LUZP2: variants seen among roughly 807,000 people sequenced by gnomAD.
LUZP2 encodes the protein leucine zipper protein 2.
Under a neutral mutation model 51.6 loss-of-function variants are expected in LUZP2, and 52 were observed. The observed-to-expected ratio is 1.01, with a 90% confidence interval of 0.81 to 1.27. LUZP2 has a LOEUF of 1.27. Among genes scored for constraint, LUZP2 ranks in the 50% most tolerant of loss-of-function variants. The pLI is 0.00. For synonymous variants in LUZP2, 154 were observed against 137.3 expected (o/e 1.12, Z -0.85); for missense variants, 436 against 395.4 (o/e 1.10, Z -0.87).
At chr11:24,515,108 G>A (rs115161340) in intron 1 of LUZP2, among the ~76,000 whole-genome samples, 213 of 152,266 alleles carry the variant, frequency 1.4e-3, no homozygotes, top group African/African-American at 4.8e-3. Context: ...GTTTAGAACC[G>A]GAAAGTTCAT....
intron 5 of LUZP2, chr11:24,892,026 GA>G (rs1852870887): frequency 1.0e-6 from 1 of 985,488 alleles, no homozygotes; most frequent in African/African-American, 1.7e-5. Flanking sequence ...TCTTGGAAAG[GA>G]GTATGTATTC....
At chr11:24,786,376 A>G (rs985852859) in intron 5 of LUZP2, 1 of 982,396 alleles carries the variant, frequency 1.0e-6, no homozygotes, top group Non-Finnish European at 1.2e-6. Context: ...TGACCCTTCT[A>G]TATAAATAAT....
chr11:24,927,805 T>C (rs927162118), intron 7 of LUZP2, among the ~76,000 whole-genome samples: 2 of 152,036 alleles, frequency 1.3e-5, no homozygotes, highest in Non-Finnish European at 2.9e-5. Context: ...GAAATTACAC[T>C]GAATTTGTAA....
At chr11:25,070,705 T>G (rs565936986) in intron 10 of LUZP2, among the ~76,000 whole-genome samples, 1 of 151,906 alleles carries the variant, frequency 6.6e-6, no homozygotes, top group Non-Finnish European at 1.5e-5. Context: ...AAAGATCATA[T>G]GTTTCAGATA....
At chr11:24,839,324 T>C (rs1358056759) in intron 5 of LUZP2, among the ~76,000 whole-genome samples, 1 of 151,750 alleles carries the variant, frequency 6.6e-6, no homozygotes, top group Non-Finnish European at 1.5e-5. Flanking sequence ...GTACTAGTTT[T>C]AGAAATAGGT....
intron 1 of LUZP2, among the ~76,000 whole-genome samples, chr11:24,567,333 G>T (rs1392970935): frequency 6.6e-6 from 1 of 151,760 alleles, no homozygotes; most frequent in African/African-American, 2.4e-5. Context: ...ATAAACAGAG[G>T]CTTAATGAAA....
At chr11:24,534,285 A>G (rs1037240792) in intron 1 of LUZP2, among the ~76,000 whole-genome samples, 18 of 151,300 alleles carry the variant, frequency 1.2e-4, no homozygotes, top group African/African-American at 4.1e-4. Context: ...ATATATGCAT[A>G]TATATACATA....
chr11:24,790,558 G>A (rs186238258), intron 5 of LUZP2, among the ~76,000 whole-genome samples: 1,868 of 152,034 alleles, frequency 0.012, 20 homozygotes, highest in Admixed American at 0.019. Context: ...CTGTAGTGCA[G>A]TGGCACAATC....
At position 24,918,413 on chromosome 11, in the gene LUZP2, C is replaced by T. The variant is rs181835457; in HGVS notation, c.522+3875C>T. Among the ~76,000 whole-genome samples the T allele has an allele frequency of 9.7e-3, 1,474 of 151,922 alleles. 18 individuals carry two copies. Among genetic ancestry groups the T allele is most frequent in the South Asian group, 0.044 (212 of 4,820 alleles). On this transcript the variant is annotated intron_variant, in intron 7 of 11. Transcript: ENST00000336930. ...GAGAGAGGCCATCCCTCTCTTGTGC[C>T]GGTTTTCAAAGGGAATGCTTCCAGT... is the stretch of plus-strand genomic sequence containing the variant.
Position 24,606,540 on chromosome 11 carries a change from A to G in LUZP2, c.62+109235A>G, listed in dbSNP as rs147626745. On this transcript the variant is annotated intron_variant, in intron 1 of 11. Coordinates refer to ENST00000336930, the MANE Select transcript of LUZP2 (RefSeq NM_001009909.4). Reference sequence around the variant, plus strand: ...ATGAGTGACAATTCTTTTTTCATCAATCTTTCCAAAGATGCTTAGGTGTTT... The same window carrying G: ...ATGAGTGACAATTCTTTTTTCATCAGTCTTTCCAAAGATGCTTAGGTGTTT... 3.4e-3 allele frequency among the ~76,000 whole-genome samples: 518 copies of G among 152,106 alleles called. 2 individuals carry two copies. The highest frequency in any genetic ancestry group is 6.0e-3 in the Non-Finnish European group (406 of 67,914).
intron 1 of LUZP2, among the ~76,000 whole-genome samples, chr11:24,696,277 G>A (rs1365132412): frequency 6.6e-6 from 1 of 152,060 alleles, no homozygotes; most frequent in Non-Finnish European, 1.5e-5. Context: ...AAAATCTTCT[G>A]ACAAGGATGT....
intron 10 of LUZP2, among the ~76,000 whole-genome samples, chr11:25,050,789 A>G (rs1454582157): frequency 6.6e-6 from 1 of 152,144 alleles, no homozygotes; most frequent in African/African-American, 2.4e-5. Context: ...CCAACAAAAA[A>G]CCTTATAGGA....
intron 1 of LUZP2, among the ~76,000 whole-genome samples, chr11:24,515,167 A>G (rs771638031): frequency 1.3e-4 from 20 of 152,186 alleles, no homozygotes; most frequent in Non-Finnish European, 2.9e-4. Flanking sequence ...GAGTTACACA[A>G]TCATCTAGAA....
At chr11:24,885,543 T>A (rs959791362) in intron 5 of LUZP2, among the ~76,000 whole-genome samples, 5 of 152,138 alleles carry the variant, frequency 3.3e-5, no homozygotes, top group Admixed American at 1.3e-4. Flanking sequence ...TGCCTACTAT[T>A]TGGAAAGTGA....
At chr11:24,836,959 A>G (rs1275187328) in intron 5 of LUZP2, among the ~76,000 whole-genome samples, 1 of 151,752 alleles carries the variant, frequency 6.6e-6, no homozygotes, top group African/African-American at 2.4e-5. Flanking sequence ...AGAAATACAT[A>G]TTTCTTTTAA....
At chr11:24,680,977 T>A (rs34377362) in intron 1 of LUZP2, among the ~76,000 whole-genome samples, 196 of 102,056 alleles carry the variant, frequency 1.9e-3, no homozygotes, top group Admixed American at 4.7e-3. Flanking sequence ...TTCTTTATTT[T>A]TTTTTTTTTT....
intron 9 of LUZP2, among the ~76,000 whole-genome samples, chr11:25,000,038 G>T (rs1856634168): frequency 6.6e-6 from 1 of 152,122 alleles, no homozygotes; most frequent in Non-Finnish European, 1.5e-5. Flanking sequence ...ATTTTACAGA[G>T]CACTGATTGA....
At chr11:24,738,173 T>C (rs1859012228) in intron 3 of LUZP2, 48 bp from the exon 4 acceptor site, 1 of 1,279,154 alleles carries the variant, frequency 7.8e-7, no homozygotes, top group African/African-American at 1.5e-5. Flanking sequence ...TAGGAAATAA[T>C]GGAATTATAT....
intron 1 of LUZP2, among the ~76,000 whole-genome samples, chr11:24,550,817 T>A (rs912080047): frequency 6.6e-6 from 1 of 152,042 alleles, no homozygotes; most frequent in Non-Finnish European, 1.5e-5. Flanking sequence ...CTTATACCTG[T>A]AATCCCAGCA....
Sources: allele counts gnomAD v4.1 joint callset (sites outside exome capture counted in the v4.1 genomes callset), GRCh38; gene constraint gnomAD v4.1.1; transcripts MANE v1.5; gene names NCBI Gene and HGNC (gene_info 2026-07-23, HGNC 2026-07-21).